SLC39A6: variants seen among roughly 807,000 people sequenced by gnomAD.
SLC39A6 encodes solute carrier family 39 member 6, also known as zinc transporter ZIP6.
SLC39A6 carries 51 observed loss-of-function variants against 63.5 expected under a neutral mutation model. That is an observed-to-expected ratio of 0.80 (90% CI 0.64 to 1.01). SLC39A6 has a LOEUF of 1.01. Among genes scored for constraint, SLC39A6 ranks in the 50% least tolerant of loss-of-function variants. The probability of loss-of-function intolerance (pLI) is 0.00; values close to 1 mark genes in which losing one functional copy is unlikely to be tolerated. For missense variants in SLC39A6, 805 were observed against 927.8 expected (o/e 0.87, Z 1.72); for synonymous variants, 318 against 324.7 (o/e 0.98, Z 0.22).
intron 2 of SLC39A6, among the ~76,000 whole-genome samples, chr18:36,125,878 C>T (rs1466310280): frequency 6.6e-6 from 1 of 152,104 alleles, no homozygotes; most frequent in East Asian, 1.9e-4. Flanking sequence ...TGCTTTCAAC[C>T]CCTCATTTTC....
Position 36,126,343 on chromosome 18 carries a change from G to C in SLC39A6, c.665C>G (p.Thr222Ser), listed in dbSNP as rs769456548. Residue 222 changes from threonine to serine, a missense_variant, in exon 2 of 10, where the codon ACT (threonine) becomes AGT (serine). By Grantham distance (58) the Thr-to-Ser change is moderately conservative. Transcript: ENST00000269187. The stretch of plus-strand genomic sequence containing the variant: ...GCTCTTTGATGTGACACTGGGTGGA[G>C]TGGAGCTGCTTACATCTTTGGGGAA... Reference protein sequence around the residue: ...KLFPKDVSSSTPPSVTSKSRV... With the variant: ...KLFPKDVSSSSPPSVTSKSRV... The C allele has an allele frequency of 3.7e-6, 6 of 1,614,250 alleles. No individual in the cohort carries two copies. The South Asian group carries it at 6.6e-5, about 18-fold the overall frequency.
chr18:36,109,785 G>C, intron 9 of SLC39A6, 40 bp from the exon 10 acceptor site: 1 of 1,559,354 alleles, frequency 6.4e-7, no homozygotes, highest in Non-Finnish European at 8.7e-7. Context: ...TGACATTTAA[G>C]TTTTTAGAAC....
rs1322883960 is a variant in SLC39A6, at chr18:36,116,909, A to G, written c.1360-130T>C. On this transcript the variant is annotated intron_variant, in intron 5 of 9. Transcript: ENST00000269187. ...CATCTACTCTTAAGTATGTTCCCAC[A>G]CTAGCAGCACACTATCTCCTGGGAA... The G allele has an allele frequency of 1.5e-4, 95 of 621,788 alleles. No individual in the cohort carries two copies. In the East Asian group the frequency reaches 2.7e-3, roughly 18 times the overall value. 38.5% of individuals were successfully genotyped at this position (621,788 alleles called of 1,614,324 possible). A position where few individuals can be genotyped will look rare whatever the true frequency, so the allele number is the denominator to read the frequency against.
chr18:36,116,882 G>C, intron 5 of SLC39A6, 103 bp from the exon 6 acceptor site: 1 of 713,246 alleles, frequency 1.4e-6, no homozygotes, highest in Non-Finnish European at 2.4e-6. Context: ...TGCCCCCACA[G>C]TCATCTACTC....
intron 3 of SLC39A6, among the ~76,000 whole-genome samples, 158 bp from the exon 4 acceptor site, chr18:36,123,822 T>C (rs1346243750): frequency 6.6e-6 from 1 of 152,074 alleles, no homozygotes; most frequent in African/African-American, 2.4e-5. Flanking sequence ...AATAGCACAA[T>C]AACCAAGAAA....
intron 5 of SLC39A6, among the ~76,000 whole-genome samples, chr18:36,117,327 T>C (rs1275348312): frequency 6.6e-6 from 1 of 152,244 alleles, no homozygotes; most frequent in East Asian, 1.9e-4. Flanking sequence ...ATGCCTCTTC[T>C]GCACACTGAA....
chr18:36,109,662 A>G lies in SLC39A6; in HGVS notation c.2199T>C (p.Leu733=). The change falls in exon 10 of 10, where the codon CTT becomes CTC. Residue 733 remains leucine, a synonymous_variant. Transcript: ENST00000269187. ...TAAGTAACATAATTCCAAAACCCAAAAGCATCCCAGCATTCTGTAAAAAGA... is the reference window on the plus strand; with the variant it reads ...TAAGTAACATAATTCCAAAACCCAAGAGCATCCCAGCATTCTGTAAAAAGA... The part of the protein sequence containing the change: ...GYFFLQNAGM[L]LGFGIMLLIS... 3 of 1,612,162 alleles carry G rather than the reference A, an allele frequency of 1.9e-6. No individual in the cohort carries two copies. Among genetic ancestry groups the G allele is most frequent in the Non-Finnish European group, 2.5e-6 (3 of 1,178,372 alleles).
chr18:36,123,795 A>C (rs971141970), intron 3 of SLC39A6, 131 bp from the exon 4 acceptor site: 1 of 835,608 alleles, frequency 1.2e-6, no homozygotes, highest in African/African-American at 1.7e-5. Flanking sequence ...TTCAATGCAA[A>C]TAGGACCTAC....
In SLC39A6 at chr18:36,109,500, T is replaced by C; in HGVS notation, c.*93A>G. On this transcript the variant is annotated 3_prime_UTR_variant, in exon 10 of 10. Transcript: ENST00000269187. ...CAAAAATCACAAAACCCACTAACTTTAAACGCTGCATAGTACAGCATACAA... is the reference window on the plus strand; with the variant it reads ...CAAAAATCACAAAACCCACTAACTTCAAACGCTGCATAGTACAGCATACAA... 2.1e-6 allele frequency: 2 copies of C among 949,288 alleles called. No individual in the cohort carries two copies. The highest frequency in any genetic ancestry group is 3.1e-6 in the Non-Finnish European group (2 of 647,680). The allele number at this position is 949,288 out of a possible 1,614,324, so 58.8% of individuals were successfully genotyped here.
intron 7 of SLC39A6, among the ~76,000 whole-genome samples, chr18:36,113,752 T>C (rs535520138): frequency 3.3e-4 from 50 of 152,204 alleles, no homozygotes; most frequent in African/African-American, 1.2e-3. Flanking sequence ...CTTTTATAAA[T>C]ATTATATTAT....
chr18:36,114,277 T>A lies in SLC39A6; in HGVS notation c.1663A>T (p.Ile555Phe). ...TGATGGTAGTCATGATGGTGGTGAA[T>A]GAGATCGTCTGACTGGCCGAGTGTA... ...HDTLGQSDDLIHHHHDYHHIL... is the reference protein window; with the variant it reads ...HDTLGQSDDLFHHHHDYHHIL... Residue 555 changes from isoleucine to phenylalanine, a missense_variant, in exon 7 of 10, where the codon ATT (isoleucine) becomes TTT (phenylalanine). By Grantham distance (21) the Ile-to-Phe change is conservative. This residue lies in a region of SLC39A6 where 19 missense variants were observed against 35.1 expected (regional missense o/e 0.54). Transcript: ENST00000269187. 6.2e-7 allele frequency: 1 copy of A among 1,613,880 alleles called. No homozygotes were observed. The highest frequency in any genetic ancestry group is 8.5e-7 in the Non-Finnish European group (1 of 1,179,816).
At chr18:36,113,769 G>A (rs2089321034) in intron 7 of SLC39A6, among the ~76,000 whole-genome samples, 1 of 151,874 alleles carries the variant, frequency 6.6e-6, no homozygotes, top group African/African-American at 2.4e-5. Flanking sequence ...TTATCGATAA[G>A]GGAACTTCAA....
At chr18:36,121,985 T>G in intron 5 of SLC39A6, 67 bp downstream of exon 5, 1 of 1,139,806 alleles carries the variant, frequency 8.8e-7, no homozygotes, top group Admixed American at 2.1e-5. Flanking sequence ...ATTCTAACAA[T>G]CTAGTTAGAG....
At chr18:36,127,573 C>T (rs1460112540) in intron 1 of SLC39A6, among the ~76,000 whole-genome samples, 1 of 151,686 alleles carries the variant, frequency 6.6e-6, no homozygotes, top group Non-Finnish European at 1.5e-5. Flanking sequence ...ATAAAATAAC[C>T]TTCAAACACC....
chr18:36,127,112 A>C, intron 1 of SLC39A6, 96 bp from the exon 2 acceptor site: 1 of 1,130,938 alleles, frequency 8.8e-7, no homozygotes, highest in Admixed American at 2.8e-5. Flanking sequence ...TCAAATAATC[A>C]AAGTTGCCAG....
At chr18:36,121,245 C>T (rs1182864209) in intron 5 of SLC39A6, among the ~76,000 whole-genome samples, 6 of 152,188 alleles carry the variant, frequency 3.9e-5, no homozygotes, top group Admixed American at 3.3e-4. Flanking sequence ...CAGCATCCGC[C>T]TCCCAAGTTC....
intron 7 of SLC39A6, 52 bp downstream of exon 7, chr18:36,114,045 A>C (rs1403500216): frequency 6.6e-7 from 1 of 1,520,496 alleles, no homozygotes; most frequent in Non-Finnish European, 8.8e-7. Context: ...CTAGGTGTTT[A>C]ATGTGACATT....
intron 5 of SLC39A6, among the ~76,000 whole-genome samples, chr18:36,117,233 T>C (rs1291898241): frequency 6.6e-6 from 1 of 152,020 alleles, no homozygotes; most frequent in East Asian, 1.9e-4. Context: ...GGAGACACTG[T>C]CTCAAAAAAC....
rs142408015 is a variant in SLC39A6 at position 36,127,097 on chromosome 18, T to G, written c.-9-81A>C. 9.0e-4 allele frequency: 1,120 copies of G among 1,239,274 alleles called. 12 individuals are homozygous for G. In the African/African-American group the frequency reaches 0.015, roughly 17 times the overall value. The allele number at this position is 1,239,274 out of a possible 1,614,324, so 76.8% of individuals were successfully genotyped here. On this transcript the variant is annotated intron_variant, in intron 1 of 9. Transcript: ENST00000269187. ...AGAAACCTCATACTGAAAATTAATGTGTAATCAAATAATCAAAGTTGCCAG... is the reference window on the plus strand; with the variant it reads ...AGAAACCTCATACTGAAAATTAATGGGTAATCAAATAATCAAAGTTGCCAG...
Sources: gnomAD v4.1 joint callset for allele counts (sites outside exome capture counted in the v4.1 genomes callset) on GRCh38, gnomAD v4.1.1 for gene constraint, gnomAD v4.1.1 regional missense constraint, MANE v1.5 for transcripts, NCBI Gene and HGNC (gene_info 2026-07-23, HGNC 2026-07-21) for gene names.